The following ZNF536 variants were observed in gnomAD, a reference collection of about 807,000 sequenced individuals.
The protein encoded by ZNF536 is zinc finger protein 536.
Under a neutral mutation model 84.5 loss-of-function variants are expected in ZNF536, and 13 were observed. The ratio of observed to expected loss-of-function variants is 0.15; its 90% CI spans 0.10 to 0.24. The LOEUF is 0.24. ZNF536 is among the 10% of genes least tolerant of loss of function. The probability of loss-of-function intolerance (pLI) is 1.00; values close to 1 mark genes in which losing one functional copy is unlikely to be tolerated. For synonymous variants in ZNF536, 811 were observed against 742.5 expected (o/e 1.09, Z -1.50); for missense variants, 1,536 against 1,747.5 (o/e 0.88, Z 2.16).
At chr19:30,297,603 T>A (rs558877226) in intron 2 of ZNF536, among the ~76,000 whole-genome samples, 7 of 152,152 alleles carry the variant, frequency 4.6e-5, no homozygotes, top group Non-Finnish European at 8.8e-5. Flanking sequence ...CAGGATGTAG[T>A]GACTTTCTCT....
chr19:30,434,622 A>G (rs1423886472), intron 1 of ZNF536, among the ~76,000 whole-genome samples: 2 of 152,238 alleles, frequency 1.3e-5, no homozygotes. Flanking sequence ...CTAACATGAG[A>G]CAATGACTGT....
At chr19:30,296,657 C>A (rs1401974552) in intron 2 of ZNF536, among the ~76,000 whole-genome samples, 1 of 152,166 alleles carries the variant, frequency 6.6e-6, no homozygotes, top group African/African-American at 2.4e-5. Flanking sequence ...CCCCAGGGAG[C>A]CTAAAATGTG....
chr19:30,663,276 A>C (rs980699492), intron 1 of ZNF536, among the ~76,000 whole-genome samples: 1 of 152,112 alleles, frequency 6.6e-6, no homozygotes, highest in African/African-American at 2.4e-5. Context: ...CCTGAGTGAA[A>C]TAATTTGTGT....
intron 1 of ZNF536, among the ~76,000 whole-genome samples, chr19:30,643,529 A>G (rs1055807423): frequency 2.6e-5 from 4 of 152,204 alleles, no homozygotes; most frequent in African/African-American, 7.2e-5. Flanking sequence ...ATTTTGTCTT[A>G]CTGACAGATG....
At position 30,247,849 on chromosome 19, in the gene ZNF536, A is replaced by T. The variant is rs567420011; in HGVS notation, c.-190+19176A>T. Among the ~76,000 whole-genome samples, 8 of 152,326 alleles carry T rather than the reference A, an allele frequency of 5.3e-5. No homozygotes were observed. In the South Asian group the frequency reaches 6.2e-4, roughly 12 times the overall value. On this transcript the variant is annotated intron_variant, in intron 1 of 5. Transcript: ENST00000585628. Reference sequence around the variant, plus strand: ...GTCTCACTGTCACTTACAGAAAATTATAAGTAAATAAACATTAGCAAACCT... The same window carrying T: ...GTCTCACTGTCACTTACAGAAAATTTTAAGTAAATAAACATTAGCAAACCT...
intron 2 of ZNF536, among the ~76,000 whole-genome samples, chr19:30,285,285 T>G (rs763078868): frequency 1.3e-5 from 2 of 152,242 alleles, no homozygotes; most frequent in Non-Finnish European, 2.9e-5. Context: ...TTCACAATTC[T>G]TTGCCTTAGT....
intron 1 of ZNF536, among the ~76,000 whole-genome samples, chr19:30,626,510 C>T (rs544241133): frequency 1.3e-5 from 2 of 152,206 alleles, no homozygotes; most frequent in African/African-American, 4.8e-5. Flanking sequence ...AAGACGGCAC[C>T]TCGAGGAGCT....
At chr19:30,681,153 G>C (rs541040197) in intron 1 of ZNF536, among the ~76,000 whole-genome samples, 1 of 152,236 alleles carries the variant, frequency 6.6e-6, no homozygotes, top group African/African-American at 2.4e-5. Flanking sequence ...GGGATGAATG[G>C]CTCTGTATCC....
intron 1 of ZNF536, among the ~76,000 whole-genome samples, chr19:30,601,962 A>G (rs1007353258): frequency 5.9e-5 from 9 of 152,212 alleles, no homozygotes; most frequent in African/African-American, 1.9e-4. Flanking sequence ...AAGGGCATTG[A>G]AAACGTCCTC....
rs776161681 is a variant in ZNF536, at chr19:30,443,625, G to A, written c.63G>A (p.Leu21=). Residue 21 remains leucine, a synonymous_variant, in exon 2 of 5, where the codon CTG becomes CTA. Transcript: ENST00000355537. The part of the protein sequence containing the change: ...SSAEPEAEPH[L]SGPVLNGQYA... ...CGGAGCCGGAAGCTGAGCCCCACCTGAGTGGCCCCGTCCTCAACGGCCAGT... is the reference window on the plus strand; with the variant it reads ...CGGAGCCGGAAGCTGAGCCCCACCTAAGTGGCCCCGTCCTCAACGGCCAGT... 13 of 1,606,782 alleles carry A rather than the reference G, an allele frequency of 8.1e-6. No individual in the cohort carries two copies. Among genetic ancestry groups the A allele is most frequent in the South Asian group, 2.2e-5 (2 of 89,568 alleles).
chr19:30,366,726 C>T (rs889692980), intron 3 of ZNF536, among the ~76,000 whole-genome samples: 2 of 152,148 alleles, frequency 1.3e-5, no homozygotes, highest in African/African-American at 4.8e-5. Flanking sequence ...GAGAATGTAG[C>T]AGAGAACAAA....
At chr19:30,431,393 A>G (rs1676752841) in intron 1 of ZNF536, among the ~76,000 whole-genome samples, 1 of 152,198 alleles carries the variant, frequency 6.6e-6, no homozygotes, top group South Asian at 2.1e-4. Context: ...AATTGCAGGC[A>G]GCAGGGGACC....
At chr19:30,415,946 C>G (rs1417588501) in intron 1 of ZNF536, among the ~76,000 whole-genome samples, 2 of 152,134 alleles carry the variant, frequency 1.3e-5, no homozygotes, top group Non-Finnish European at 2.9e-5. Context: ...CTCGCTTGTT[C>G]TTTCTGGAAC....
chr19:30,309,707 A>G (rs2046441300), intron 2 of ZNF536, among the ~76,000 whole-genome samples: 2 of 152,382 alleles, frequency 1.3e-5, no homozygotes, highest in Non-Finnish European at 2.9e-5. Context: ...GACAAAGTAC[A>G]ATAGTGAGAT....
chr19:30,508,296 C>T (rs1047128014), intron 2 of ZNF536, among the ~76,000 whole-genome samples: 2 of 152,196 alleles, frequency 1.3e-5, no homozygotes, highest in African/African-American at 4.8e-5. Context: ...CTTGGGCTGC[C>T]ATTGCAGACC....
chr19:30,617,333 C>CCTTTTT (rs869192494), intron 1 of ZNF536, among the ~76,000 whole-genome samples: 9 of 37,714 alleles, frequency 2.4e-4, no homozygotes, highest in Admixed American at 1.0e-3. Context: ...GAATAGCTTA[C>CCTTTTT]TTTTTTTTTT....
chr19:30,623,040 G>GTTTT (rs778168856), intron 1 of ZNF536, among the ~76,000 whole-genome samples: 3 of 99,310 alleles, frequency 3.0e-5, no homozygotes, highest in Admixed American at 9.8e-5. Flanking sequence ...TTGTTTTTTT[G>GTTTT]TTTTTTTGTT....
At chr19:30,394,202 C>G (rs536378861) in intron 1 of ZNF536, among the ~76,000 whole-genome samples, 1 of 152,254 alleles carries the variant, frequency 6.6e-6, no homozygotes, top group Non-Finnish European at 1.5e-5. Flanking sequence ...AAGACTTTTC[C>G]TTAAACGACT....
At chr19:30,288,717 T>G (rs1021520878) in intron 2 of ZNF536, among the ~76,000 whole-genome samples, 7 of 152,206 alleles carry the variant, frequency 4.6e-5, no homozygotes, top group Non-Finnish European at 7.3e-5. Flanking sequence ...CATCTGTAAA[T>G]TGGGAACAAC....
Sources: allele counts gnomAD v4.1 joint callset (sites outside exome capture counted in the v4.1 genomes callset), GRCh38; gene constraint gnomAD v4.1.1; transcripts MANE v1.5; gene names NCBI Gene and HGNC (gene_info 2026-07-23, HGNC 2026-07-21).